The following CADM2 variants were observed in gnomAD, a reference collection of about 807,000 sequenced individuals.
CADM2 encodes the protein immunoglobulin superfamily member 4D.
A neutral mutation model predicts 49.8 loss-of-function variants in CADM2; 12 were observed. That is an observed-to-expected ratio of 0.24 (90% confidence interval 0.15 to 0.39). The LOEUF (loss-of-function observed/expected upper bound fraction) is 0.39, where lower values mean the gene tolerates loss of function less well. Ranked by LOEUF, CADM2 falls within the 10% of genes least tolerant of loss-of-function variation. The pLI is 1.00. For synonymous variants in CADM2, 214 were observed against 175.4 expected, an observed-to-expected ratio of 1.22 and a Z score of -1.74; for missense variants, 378 against 492.3, an observed-to-expected ratio of 0.77 and a Z score of 2.20.
At chr3:85,552,366 GTTTTTTTTTTTTTTTT>G (rs36014885) in intron 1 of CADM2, among the ~76,000 whole-genome samples, 1 of 87,588 alleles carries the variant, frequency 1.1e-5, no homozygotes, top group Non-Finnish European at 2.1e-5. Flanking sequence ...ACTTTGAAAA[GTTTTTTTTTTTTTTTT>G]TTTTTTTTTT....
chr3:85,331,266 C>T (rs902334333), intron 1 of CADM2, among the ~76,000 whole-genome samples: 6 of 151,996 alleles, frequency 3.9e-5, no homozygotes, highest in African/African-American at 1.4e-4. Context: ...ACCATTCTTT[C>T]TTTATTCCTA....
intron 1 of CADM2, among the ~76,000 whole-genome samples, chr3:85,580,342 G>T (rs75630475): frequency 1.7e-3 from 264 of 152,056 alleles, no homozygotes; most frequent in African/African-American, 4.0e-3. Context: ...AAAAAAATAA[G>T]AAGAAGAAAT....
At chr3:85,528,889 T>A (rs2061233204) in intron 1 of CADM2, among the ~76,000 whole-genome samples, 1 of 152,192 alleles carries the variant, frequency 6.6e-6, no homozygotes, top group Non-Finnish European at 1.5e-5. Context: ...TTAACCGTGA[T>A]CATAAATAAT....
chr3:85,277,201 C>G (rs755908125), intron 1 of CADM2, among the ~76,000 whole-genome samples: 23 of 151,202 alleles, frequency 1.5e-4, no homozygotes, highest in Non-Finnish European at 3.1e-4. Context: ...TTTATCTGCA[C>G]TATCTCAAAT....
intron 1 of CADM2, among the ~76,000 whole-genome samples, chr3:85,331,576 A>G (rs1269569405): frequency 2.0e-5 from 3 of 151,812 alleles, no homozygotes; most frequent in African/African-American, 7.3e-5. Context: ...AGTATTTGAG[A>G]ATAAGAGTTT....
chr3:85,233,003 A>G (rs954765651), intron 1 of CADM2, among the ~76,000 whole-genome samples: 1 of 152,200 alleles, frequency 6.6e-6, no homozygotes, highest in Non-Finnish European at 1.5e-5. Context: ...ATACCTCAAT[A>G]GTTGAATGTA....
intron 3 of CADM2, among the ~76,000 whole-genome samples, chr3:85,873,494 C>T (rs535949165): frequency 3.6e-4 from 55 of 152,044 alleles, no homozygotes; most frequent in Non-Finnish European, 6.5e-4. Flanking sequence ...GGTGAAACTT[C>T]GTCTCTACTA....
At chr3:85,428,211 A>G (rs768538414) in intron 1 of CADM2, among the ~76,000 whole-genome samples, 1 of 150,998 alleles carries the variant, frequency 6.6e-6, no homozygotes, top group Non-Finnish European at 1.5e-5. Flanking sequence ...TGTAAAAAAA[A>G]AAGGCACAGA....
intron 2 of CADM2, among the ~76,000 whole-genome samples, chr3:85,757,301 A>C (rs1027675310): frequency 6.6e-6 from 1 of 152,110 alleles, no homozygotes; most frequent in African/African-American, 2.4e-5. Flanking sequence ...TTAACATTCA[A>C]ATATTTTAAT....
At chr3:86,037,556 G>A (rs765474921) in intron 8 of CADM2, among the ~76,000 whole-genome samples, 1 of 152,020 alleles carries the variant, frequency 6.6e-6, no homozygotes, top group Non-Finnish European at 1.5e-5. Context: ...CATTAAAAGG[G>A]CTGTATTTTC....
intron 1 of CADM2, among the ~76,000 whole-genome samples, chr3:85,394,571 A>G (rs1226468029): frequency 6.6e-6 from 1 of 152,200 alleles, no homozygotes; most frequent in Non-Finnish European, 1.5e-5. Context: ...TTTTTTAAAA[A>G]AAGCTTTCAG....
chr3:85,856,273 A>G (rs2108307771), intron 3 of CADM2, among the ~76,000 whole-genome samples: 1 of 152,316 alleles, frequency 6.6e-6, no homozygotes, highest in Admixed American at 6.5e-5. Flanking sequence ...CCTTTGAGAA[A>G]TCTATGTTAA....
intron 1 of CADM2, among the ~76,000 whole-genome samples, chr3:85,516,092 A>G (rs1037125299): frequency 6.6e-6 from 1 of 152,146 alleles, no homozygotes; most frequent in African/African-American, 2.4e-5. Flanking sequence ...AATAATATTC[A>G]TGATCATTTC....
At chr3:85,531,601 C>T (rs77547336) in intron 1 of CADM2, among the ~76,000 whole-genome samples, 12,222 of 152,160 alleles carry the variant, frequency 0.08, 947 homozygotes, top group African/African-American at 0.18. Context: ...TTATTTGCAA[C>T]TCTCTGGTTT....
intron 1 of CADM2, among the ~76,000 whole-genome samples, chr3:85,477,058 C>T (rs904933349): frequency 1.3e-5 from 2 of 151,798 alleles, no homozygotes; most frequent in Non-Finnish European, 2.9e-5. Flanking sequence ...CAGCATGTTA[C>T]ATTGAGCAGC....
chr3:85,653,168 GT>G (rs2065104276), intron 1 of CADM2, among the ~76,000 whole-genome samples: 1 of 151,264 alleles, frequency 6.6e-6, no homozygotes. Context: ...TCATATTGTT[GT>G]TTGGGGAATC....
intron 6 of CADM2, among the ~76,000 whole-genome samples, chr3:85,925,899 A>G (rs895433256): frequency 1.3e-5 from 2 of 152,144 alleles, no homozygotes; most frequent in Non-Finnish European, 2.9e-5. Flanking sequence ...GCACTTTGGG[A>G]GGCCAAGGAG....
At chr3:85,960,624 G>T (rs1724691517) in intron 7 of CADM2, among the ~76,000 whole-genome samples, 1 of 151,856 alleles carries the variant, frequency 6.6e-6, no homozygotes, top group South Asian at 2.1e-4. Flanking sequence ...ACTAGCAGAT[G>T]GTAATAGATA....
intron 1 of CADM2, among the ~76,000 whole-genome samples, chr3:85,620,297 G>T (rs893993609): frequency 6.6e-6 from 1 of 151,906 alleles, no homozygotes; most frequent in African/African-American, 2.4e-5. Context: ...TTTCACTGTG[G>T]AAATGTGCAT....
Sources: allele counts gnomAD v4.1 joint callset (sites outside exome capture counted in the v4.1 genomes callset), GRCh38; gene constraint gnomAD v4.1.1; transcripts MANE v1.5; gene names NCBI Gene and HGNC (gene_info 2026-07-23, HGNC 2026-07-21).